Variants in SLC44A5 observed in about 807,000 individuals in gnomAD.
SLC44A5 encodes the protein solute carrier family 44 member 5, also known as choline transporter-like protein 5.
SLC44A5 carries 57 observed loss-of-function variants against 101.8 expected under a neutral mutation model. The observed-to-expected ratio is 0.56, with a 90% confidence interval of 0.45 to 0.70. The LOEUF is 0.70. SLC44A5 is among the 30% of genes least tolerant of loss of function. SLC44A5 has a pLI of 0.00. For missense variants in SLC44A5, 737 were observed against 853.1 expected (o/e 0.86, Z 1.70); for synonymous variants, 281 against 290.9 (o/e 0.97, Z 0.35).
chr1:75,252,029 TAAGAC>T (rs1391247072), intron 6 of SLC44A5, among the ~76,000 whole-genome samples: 4 of 152,180 alleles, frequency 2.6e-5, no homozygotes, highest in African/African-American at 4.8e-5. Context: ...GTAGTGGACT[TAAGAC>T]AAGTGGTTGC....
chr1:75,653,494 A>C, the SLC44A5 span, among the ~76,000 whole-genome samples: 13 of 152,266 alleles, frequency 8.5e-5, no homozygotes, highest in Middle Eastern at 6.8e-3. Context: ...AGAAAAAGAA[A>C]ATAATGACTC....
intron 3 of SLC44A5, among the ~76,000 whole-genome samples, chr1:75,361,796 C>T (rs1471995289): frequency 6.6e-6 from 1 of 151,890 alleles, no homozygotes; most frequent in Non-Finnish European, 1.5e-5. Context: ...GAGATAATGG[C>T]CTGTAATTTT....
chr1:75,424,276 G>C (rs1274600072), intron 2 of SLC44A5, among the ~76,000 whole-genome samples: 1 of 152,060 alleles, frequency 6.6e-6, no homozygotes, highest in South Asian at 2.1e-4. Flanking sequence ...AGTTTTTAAA[G>C]TTTTCTCTAA....
the SLC44A5 span, among the ~76,000 whole-genome samples, chr1:75,630,777 T>C: frequency 6.6e-6 from 1 of 152,168 alleles, no homozygotes; most frequent in African/African-American, 2.4e-5. Context: ...CCCCATGCTT[T>C]AAGTGTATTT....
chr1:75,679,350 G>C, the SLC44A5 span, among the ~76,000 whole-genome samples: 2 of 152,054 alleles, frequency 1.3e-5, no homozygotes, highest in Non-Finnish European at 2.9e-5. Flanking sequence ...AAATGTTAAG[G>C]GCAGCCAGAG....
At chr1:75,571,611 G>A (rs1216521705) in intron 1 of SLC44A5, among the ~76,000 whole-genome samples, 1 of 152,076 alleles carries the variant, frequency 6.6e-6, no homozygotes, top group Admixed American at 6.5e-5. Flanking sequence ...TGTATTATAT[G>A]GTGTTGCCCA....
intron 6 of SLC44A5, among the ~76,000 whole-genome samples, chr1:75,274,553 A>G (rs1401764092): frequency 2.0e-5 from 3 of 152,164 alleles, no homozygotes. Flanking sequence ...CGAAAGGTGG[A>G]ATGATTTATC....
chr1:75,331,395 T>A (rs532267815), intron 4 of SLC44A5, among the ~76,000 whole-genome samples: 21 of 152,252 alleles, frequency 1.4e-4, no homozygotes, highest in African/African-American at 5.1e-4. Context: ...ACTCATTTTT[T>A]CTCTTGCTTT....
chr1:75,418,576 C>T (rs1453803700), intron 2 of SLC44A5, among the ~76,000 whole-genome samples: 1 of 151,914 alleles, frequency 6.6e-6, no homozygotes, highest in Non-Finnish European at 1.5e-5. Context: ...CAAGAGCATG[C>T]ATGGTAGGTC....
intron 1 of SLC44A5, among the ~76,000 whole-genome samples, chr1:75,543,322 G>T (rs1570574530): frequency 6.6e-6 from 1 of 151,926 alleles, no homozygotes; most frequent in East Asian, 1.9e-4. Context: ...TTTGCCTGGA[G>T]TACTCTCTCA....
intron 1 of SLC44A5, among the ~76,000 whole-genome samples, chr1:75,591,195 A>G (rs1674331369): frequency 6.6e-6 from 1 of 152,226 alleles, no homozygotes; most frequent in African/African-American, 2.4e-5. Flanking sequence ...TGAGTCTGCA[A>G]GAACCACAGC....
At chr1:75,602,438 G>T (rs925495993) in intron 1 of SLC44A5, among the ~76,000 whole-genome samples, 2 of 152,140 alleles carry the variant, frequency 1.3e-5, no homozygotes, top group African/African-American at 4.8e-5. Flanking sequence ...GACTTTCTGA[G>T]TGGTTAAGGA....
At chr1:75,260,109 A>G (rs1294824104) in intron 6 of SLC44A5, among the ~76,000 whole-genome samples, 1 of 152,186 alleles carries the variant, frequency 6.6e-6, no homozygotes, top group African/African-American at 2.4e-5. Context: ...GCTAGGAAGA[A>G]ACTGCATCAA....
chr1:75,226,254 T>G (rs1433088511), intron 13 of SLC44A5, among the ~76,000 whole-genome samples: 1 of 152,130 alleles, frequency 6.6e-6, no homozygotes, highest in African/African-American at 2.4e-5. Flanking sequence ...GTATTTTTTT[T>G]TTTAAGAGAA....
At chr1:75,371,604 C>T (rs1474206133) in intron 3 of SLC44A5, among the ~76,000 whole-genome samples, 1 of 150,448 alleles carries the variant, frequency 6.6e-6, no homozygotes, top group East Asian at 1.9e-4. Flanking sequence ...AAATCAGATC[C>T]ATCCCAGAGT....
intron 3 of SLC44A5, among the ~76,000 whole-genome samples, chr1:75,353,628 C>G (rs1344596325): frequency 1.3e-5 from 2 of 152,146 alleles, no homozygotes; most frequent in Non-Finnish European, 2.9e-5. Context: ...AGGCTGATGC[C>G]AGTTAGGCTT....
intron 4 of SLC44A5, among the ~76,000 whole-genome samples, chr1:75,332,988 T>G (rs953658718): frequency 6.6e-6 from 1 of 152,168 alleles, no homozygotes; most frequent in Non-Finnish European, 1.5e-5. Context: ...TCTAATTGTA[T>G]AGGAGACTTA....
intron 3 of SLC44A5, among the ~76,000 whole-genome samples, chr1:75,343,143 T>C (rs932970147): frequency 1.3e-5 from 2 of 152,164 alleles, no homozygotes; most frequent in African/African-American, 4.8e-5. Context: ...TTCATATTTC[T>C]CACTTAAAGA....
At chr1:75,608,889 C>T (rs1172530566) in intron 1 of SLC44A5, among the ~76,000 whole-genome samples, 1 of 151,812 alleles carries the variant, frequency 6.6e-6, no homozygotes, top group African/African-American at 2.4e-5. Flanking sequence ...CCTTACTATG[C>T]TCATTTTTTT....
Sources: allele counts gnomAD v4.1 joint callset (sites outside exome capture counted in the v4.1 genomes callset), GRCh38; gene constraint gnomAD v4.1.1; transcripts MANE v1.5; gene names NCBI Gene and HGNC (gene_info 2026-07-23, HGNC 2026-07-21).